CLPB: variants seen among roughly 807,000 people sequenced by gnomAD.
The protein encoded by CLPB is mitochondrial disaggregase.
Under a neutral mutation model 78.4 loss-of-function variants are expected in CLPB, and 40 were observed. That is an observed-to-expected ratio of 0.51 (90% CI 0.40 to 0.66). CLPB has a LOEUF of 0.66. CLPB is among the 30% of genes least tolerant of loss of function. CLPB has a pLI of 0.00. For missense variants in CLPB, 780 were observed against 886.9 expected (o/e 0.88, Z 1.53); for synonymous variants, 333 against 348.0 (o/e 0.96, Z 0.48).
intron 2 of CLPB, among the ~76,000 whole-genome samples, chr11:72,416,240 C>T (rs1389353213): frequency 2.0e-5 from 3 of 152,170 alleles, no homozygotes; most frequent in African/African-American, 7.2e-5. Flanking sequence ...TTCTGCAAAG[C>T]TCCTTGTATA....
At chr11:72,319,155 C>T (rs1443410371) in intron 6 of CLPB, among the ~76,000 whole-genome samples, 1 of 152,188 alleles carries the variant, frequency 6.6e-6, no homozygotes, top group African/African-American at 2.4e-5. Context: ...TCTCTCTTCC[C>T]ACCAACCTCC....
chr11:72,406,750 C>A (rs1008519749), intron 2 of CLPB, among the ~76,000 whole-genome samples: 2 of 152,222 alleles, frequency 1.3e-5, no homozygotes, highest in African/African-American at 4.8e-5. Context: ...CATGTGCACA[C>A]ACCCACTCTG....
chr11:72,433,988 A>C, intron 1 of CLPB, 84 bp downstream of exon 1: 1 of 1,504,388 alleles, frequency 6.6e-7, no homozygotes, highest in Non-Finnish European at 9.0e-7. Context: ...ATCTAAACCT[A>C]TAAGTACCTC....
At chr11:72,375,800 C>T (rs191090661) in intron 4 of CLPB, among the ~76,000 whole-genome samples, 2 of 152,294 alleles carry the variant, frequency 1.3e-5, no homozygotes, top group East Asian at 1.9e-4. Context: ...GGTAAGAACA[C>T]GCTGAATTAT....
At chr11:72,351,105 T>A (rs1950606493) in intron 5 of CLPB, among the ~76,000 whole-genome samples, 1 of 152,178 alleles carries the variant, frequency 6.6e-6, no homozygotes, top group Non-Finnish European at 1.5e-5. Flanking sequence ...TTCTTCATTT[T>A]ATAGAGGAAA....
At chr11:72,316,848 G>A (rs113560008) in intron 7 of CLPB, among the ~76,000 whole-genome samples, 1 of 152,130 alleles carries the variant, frequency 6.6e-6, no homozygotes, top group African/African-American at 2.4e-5. Context: ...AAGCAGCCTC[G>A]AGCAAGTGAT....
rs551046931 is a variant in CLPB, at chr11:72,396,759, TATC to T, written c.542+6204_542+6206del. 3.3e-5 allele frequency among the ~76,000 whole-genome samples: 5 copies of T among 152,360 alleles called. No homozygotes were observed. In the South Asian group the frequency reaches 1.0e-3, roughly 32 times the overall value. ...GAATGCATATCACTCTAATGTGAGA[TATC>T]ATCAACAATAAGAATTCAAAACATT... is the stretch of plus-strand genomic sequence containing the variant. On this transcript the variant is annotated intron_variant, in intron 3 of 15. Coordinates refer to ENST00000538039, the MANE Select transcript of CLPB (RefSeq NM_001258392.3).
At position 72,293,490 on chromosome 11, in the gene CLPB, G is replaced by A; in HGVS notation, c.1911C>T (p.Pro637=). 6.2e-7 allele frequency: 1 copy of A among 1,614,174 alleles called. No individual in the cohort carries two copies. Among genetic ancestry groups the A allele is most frequent in the Non-Finnish European group, 8.5e-7 (1 of 1,180,026 alleles). Residue 637 remains proline (P), a synonymous_variant, in exon 16 of 16, where the codon CCC becomes CCT. Transcript: ENST00000538039. ...DKQLLKSPEL[P]SPQAEKRLPK... Reference sequence around the variant, plus strand: ...GGAGGCGCTTCTCAGCCTGGGGTGAGGGCAGTTCTGGGCTTTTGAGTAGCT... The same window carrying A: ...GGAGGCGCTTCTCAGCCTGGGGTGAAGGCAGTTCTGGGCTTTTGAGTAGCT...
intron 2 of CLPB, among the ~76,000 whole-genome samples, chr11:72,418,099 T>A (rs1477095804): frequency 6.6e-6 from 1 of 152,216 alleles, no homozygotes; most frequent in African/African-American, 2.4e-5. Flanking sequence ...TGGAGGATCC[T>A]GGAGACCAGT....
intron 5 of CLPB, among the ~76,000 whole-genome samples, chr11:72,339,791 C>T (rs1453228960): frequency 1.3e-5 from 2 of 152,174 alleles, no homozygotes; most frequent in Admixed American, 1.3e-4. Context: ...GACCTCAGCA[C>T]ATGGAAGGCT....
At chr11:72,305,112 T>C (rs1949722851) in intron 9 of CLPB, among the ~76,000 whole-genome samples, 1 of 152,226 alleles carries the variant, frequency 6.6e-6, no homozygotes, top group African/African-American at 2.4e-5. Context: ...CTCATGCCTC[T>C]CATCTCCCAA....
At chr11:72,324,437 G>T (rs904019583) in intron 6 of CLPB, among the ~76,000 whole-genome samples, 2 of 151,976 alleles carry the variant, frequency 1.3e-5, no homozygotes, top group African/African-American at 4.8e-5. Flanking sequence ...TTGTGGTGTG[G>T]CCCCTGTAAT....
chr11:72,409,994 T>C lies in CLPB; in HGVS notation c.456-6942A>G, dbSNP rs536748422. On this transcript the variant is annotated intron_variant, in intron 2 of 15. Coordinates refer to ENST00000538039, the MANE Select transcript of CLPB (RefSeq NM_001258392.3). ...CGTATAAAAAAAAAAAAATCCAGGC[T>C]CTGGCGGGTGGATCACCTGAGGTCA... Among the ~76,000 whole-genome samples, 146 of 149,938 alleles carry C rather than the reference T, an allele frequency of 9.7e-4. 1 individual carries two copies. Among genetic ancestry groups the C allele is most frequent in the Non-Finnish European group, 2.4e-4 (16 of 67,596 alleles).
chr11:72,401,553 G>A (rs1412274817), intron 3 of CLPB, among the ~76,000 whole-genome samples: 1 of 152,208 alleles, frequency 6.6e-6, no homozygotes, highest in African/African-American at 2.4e-5. Flanking sequence ...CAACAAAGGA[G>A]CAGAGAAGAG....
chr11:72,377,957 A>T (rs1407673875), intron 4 of CLPB, among the ~76,000 whole-genome samples: 4 of 152,214 alleles, frequency 2.6e-5, no homozygotes. Context: ...CACAAAGCTT[A>T]AATGTTTACT....
chr11:72,405,713 G>T (rs1484597049), intron 2 of CLPB, among the ~76,000 whole-genome samples: 2 of 152,144 alleles, frequency 1.3e-5, no homozygotes, highest in Non-Finnish European at 2.9e-5. Flanking sequence ...TGGATCACGA[G>T]GTCAGGAGAT....
chr11:72,408,666 CAAAA>C (rs576990524), intron 2 of CLPB, among the ~76,000 whole-genome samples: 41 of 64,272 alleles, frequency 6.4e-4, no homozygotes, highest in African/African-American at 1.7e-3. Flanking sequence ...GACTCTGTCT[CAAAA>C]AAAAAAAAAA....
chr11:72,321,349 T>A (rs1031484389), intron 6 of CLPB, among the ~76,000 whole-genome samples: 10 of 152,138 alleles, frequency 6.6e-5, no homozygotes, highest in African/African-American at 2.2e-4. Flanking sequence ...ATCTTCTTAA[T>A]AAAAGCCACA....
At chr11:72,420,364 G>C (rs1206699804) in intron 2 of CLPB, among the ~76,000 whole-genome samples, 2 of 152,092 alleles carry the variant, frequency 1.3e-5, no homozygotes, top group African/African-American at 2.4e-5. Context: ...CGCAGTAGCT[G>C]TCGCCTGTAA....
Sources: gnomAD v4.1 joint callset for allele counts (sites outside exome capture counted in the v4.1 genomes callset) on GRCh38, gnomAD v4.1.1 for gene constraint, MANE v1.5 for transcripts, NCBI Gene and HGNC (gene_info 2026-07-23, HGNC 2026-07-21) for gene names.